Variants in SERAC1 observed in about 807,000 individuals in gnomAD.
The protein encoded by SERAC1 is serine active site containing 1.
In SERAC1, 36 loss-of-function variants were observed where a neutral mutation model predicts 85.7. That is an observed-to-expected ratio of 0.42 (90% CI 0.32 to 0.55). The LOEUF (loss-of-function observed/expected upper bound fraction) is 0.55. Among genes scored for constraint, SERAC1 ranks in the 20% least tolerant of loss-of-function variants. The pLI, the probability that SERAC1 is intolerant of heterozygous loss-of-function variation, is 0.11. For missense variants in SERAC1, 629 were observed against 796.2 expected (o/e 0.79, Z 2.53); for synonymous variants, 242 against 265.3 (o/e 0.91, Z 0.85).
At chr6:158,151,305 G>A (rs1785198527) in intron 3 of SERAC1, among the ~76,000 whole-genome samples, 4 of 152,212 alleles carry the variant, frequency 2.6e-5, no homozygotes, top group Admixed American at 1.3e-4. Context: ...CAGCTATTCG[G>A]GAGGCTAAAG....
chr6:158,163,794 T>C (rs1038483997), intron 1 of SERAC1, among the ~76,000 whole-genome samples: 1 of 152,114 alleles, frequency 6.6e-6, no homozygotes, highest in African/African-American at 2.4e-5. Context: ...TGGAGTGCAG[T>C]GGCCTGATCT....
intron 1 of SERAC1, among the ~76,000 whole-genome samples, chr6:158,164,024 C>T (rs1170886131): frequency 4.0e-5 from 6 of 151,842 alleles, no homozygotes; most frequent in Admixed American, 2.6e-4. Context: ...TGTGAGCCAC[C>T]GCACCAGGCA....
intron 2 of SERAC1, among the ~76,000 whole-genome samples, chr6:158,157,211 G>A (rs184398174): frequency 2.3e-4 from 35 of 151,862 alleles, no homozygotes; most frequent in Admixed American, 2.0e-3. Flanking sequence ...TGACCAGGCT[G>A]GTCTTGAACT....
intron 2 of SERAC1, among the ~76,000 whole-genome samples, chr6:158,157,100 G>A (rs1353803802): frequency 1.3e-5 from 2 of 151,054 alleles, no homozygotes; most frequent in African/African-American, 2.4e-5. Flanking sequence ...GGGTTGAAGC[G>A]ATCCTCCTGC....
chr6:158,150,621 T>C lies in SERAC1; in HGVS notation c.129-32A>G, dbSNP rs749036315. ...GAGAAAAGAAAAAATGCATCATAAA[T>C]AGACAATCAAAATGTAACACAAGAG... On this transcript the variant is annotated intron_variant, in intron 3 of 16. Transcript: ENST00000647468. 1.8e-5 allele frequency: 26 copies of C among 1,473,712 alleles called. No individual in the cohort carries two copies. In the East Asian group the frequency reaches 5.2e-4, roughly 29 times the overall value. The allele number at this position is 1,473,712 out of a possible 1,614,324, so 91.3% of individuals were successfully genotyped here.
intron 1 of SERAC1, chr6:158,158,913 A>G (rs987361437): frequency 3.3e-5 from 5 of 152,406 alleles, no homozygotes; most frequent in African/African-American, 1.2e-4. Flanking sequence ...TTGGCATTCT[A>G]TCAAAGGAGA....
chr6:158,135,176 C>A (rs552529383), intron 8 of SERAC1, among the ~76,000 whole-genome samples: 7 of 152,220 alleles, frequency 4.6e-5, no homozygotes, highest in Admixed American at 3.9e-4. Flanking sequence ...ACTAAATACA[C>A]AAGACTCACA....
intron 12 of SERAC1, among the ~76,000 whole-genome samples, chr6:158,118,178 G>A (rs1784335931): frequency 6.6e-6 from 1 of 152,126 alleles, no homozygotes; most frequent in Non-Finnish European, 1.5e-5. Context: ...GACAGATTTT[G>A]GATCTGAGAA....
At chr6:158,146,632 G>T (rs559208083) in intron 6 of SERAC1, 150 bp downstream of exon 6, 2 of 873,320 alleles carry the variant, frequency 2.3e-6, no homozygotes, top group Non-Finnish European at 3.4e-6. Context: ...GGTGGGTCTT[G>T]AACTCCTGAC....
intron 10 of SERAC1, among the ~76,000 whole-genome samples, chr6:158,124,751 ACAC>A (rs754221417): frequency 1.2e-3 from 44 of 35,754 alleles, no homozygotes; most frequent in Non-Finnish European, 2.6e-3. Context: ...GCTGGAAAAC[ACAC>A]ACACACACAC....
chr6:158,154,159 CAAA>C (rs3041474), intron 3 of SERAC1, among the ~76,000 whole-genome samples: 3 of 66,054 alleles, frequency 4.5e-5, no homozygotes, highest in African/African-American at 5.9e-5. Context: ...AACTCTGTCT[CAAA>C]AAAAAAAAAA....
intron 8 of SERAC1, among the ~76,000 whole-genome samples, chr6:158,130,747 G>A (rs1341301970): frequency 6.6e-6 from 1 of 152,158 alleles, no homozygotes; most frequent in Non-Finnish European, 1.5e-5. Flanking sequence ...AAAGTGTGAA[G>A]ACTAACTCAC....
intron 8 of SERAC1, among the ~76,000 whole-genome samples, chr6:158,137,981 T>G (rs550261654): frequency 6.6e-6 from 1 of 152,286 alleles, no homozygotes; most frequent in East Asian, 1.9e-4. Context: ...GGTGGAGAAG[T>G]TGTCAGAAGA....
At chr6:158,149,850 G>A (rs913649973) in intron 4 of SERAC1, among the ~76,000 whole-genome samples, 8 of 152,168 alleles carry the variant, frequency 5.3e-5, no homozygotes, top group African/African-American at 1.9e-4. Context: ...AGGCAGCTGT[G>A]AGTCAAGTAT....
intron 1 of SERAC1, among the ~76,000 whole-genome samples, chr6:158,166,575 A>C (rs1217292549): frequency 6.6e-6 from 1 of 152,160 alleles, no homozygotes; most frequent in African/African-American, 2.4e-5. Context: ...AATTCGTAGA[A>C]CTGAGGAAAA....
chr6:158,151,867 A>G (rs1190112003), intron 3 of SERAC1, among the ~76,000 whole-genome samples: 1 of 151,166 alleles, frequency 6.6e-6, no homozygotes, highest in African/African-American at 2.5e-5. Context: ...ATTTAAGTTC[A>G]TAAGTTAAAA....
intron 14 of SERAC1, among the ~76,000 whole-genome samples, chr6:158,115,784 A>G (rs1010885004): frequency 6.6e-6 from 1 of 152,148 alleles, no homozygotes; most frequent in African/African-American, 2.4e-5. Flanking sequence ...GACTGTGGGC[A>G]CTAAAGCGAC....
chr6:158,148,321 C>T (rs896855944), intron 5 of SERAC1, among the ~76,000 whole-genome samples: 24 of 152,108 alleles, frequency 1.6e-4, no homozygotes, highest in Non-Finnish European at 3.4e-4. Context: ...TTATAAAACA[C>T]TTATCAAGAG....
chr6:158,160,325 A>G, intron 1 of SERAC1, among the ~76,000 whole-genome samples: 1 of 152,090 alleles, frequency 6.6e-6, no homozygotes, highest in East Asian at 1.9e-4. Flanking sequence ...CCTTGCTTTC[A>G]TGGATCTGAC....
Sources: allele counts gnomAD v4.1 joint callset (sites outside exome capture counted in the v4.1 genomes callset), GRCh38; gene constraint gnomAD v4.1.1; transcripts MANE v1.5; gene names NCBI Gene and HGNC (gene_info 2026-07-23, HGNC 2026-07-21).